The following HDAC9 variants were observed in gnomAD, a reference collection of about 807,000 sequenced individuals.
HDAC9 encodes histone deacetylase 9.
In HDAC9, 41 loss-of-function variants were observed where a neutral mutation model predicts 139.4. The ratio of observed to expected loss-of-function variants is 0.29; its 90% CI spans 0.23 to 0.38. The LOEUF (loss-of-function observed/expected upper bound fraction) is 0.38, where lower values mean the gene tolerates loss of function less well. Ranked by LOEUF, HDAC9 falls within the 10% of genes least tolerant of loss-of-function variation. The probability of loss-of-function intolerance (pLI) is 1.00; values close to 1 mark genes in which losing one functional copy is unlikely to be tolerated. For missense variants in HDAC9, 1,147 were observed against 1,297.0 expected, an observed-to-expected ratio of 0.88 and a Z score of 1.78; for synonymous variants, 517 against 476.2, an observed-to-expected ratio of 1.09 and a Z score of -1.12.
intron 24 of HDAC9, among the ~76,000 whole-genome samples, chr7:18,954,482 T>C (rs924349626): frequency 2.6e-5 from 4 of 152,066 alleles, no homozygotes; most frequent in African/African-American, 9.7e-5. Context: ...ACCATTATGA[T>C]CACTAAGCAT....
chr7:18,598,887 G>A (rs1833186867), intron 6 of HDAC9, among the ~76,000 whole-genome samples: 1 of 152,176 alleles, frequency 6.6e-6, no homozygotes, highest in African/African-American at 2.4e-5. Context: ...AGCTCACTAT[G>A]GTATCCAAAA....
intron 16 of HDAC9, among the ~76,000 whole-genome samples, chr7:18,772,545 T>C (rs976619118): frequency 2.0e-5 from 3 of 152,102 alleles, no homozygotes; most frequent in Middle Eastern, 3.2e-3. Flanking sequence ...CTCCTATTAA[T>C]GTTCAACTCA....
At chr7:18,168,679 C>T (rs1788169219) in intron 2 of HDAC9, among the ~76,000 whole-genome samples, 1 of 151,978 alleles carries the variant, frequency 6.6e-6, no homozygotes, top group African/African-American at 2.4e-5. Flanking sequence ...TACTTTTACA[C>T]TAAATATCCC....
intron 12 of HDAC9, chr7:18,667,223 G>A (rs1795099362): frequency 1.0e-6 from 1 of 985,268 alleles, no homozygotes; most frequent in African/African-American, 1.7e-5. Context: ...TCAAAAAAGA[G>A]CAAATGAAGC....
intron 9 of HDAC9, among the ~76,000 whole-genome samples, chr7:18,645,593 A>G (rs114225126): frequency 6.6e-6 from 1 of 152,182 alleles, no homozygotes. Flanking sequence ...CTAGCAGAAG[A>G]TGGCAATAAT....
Position 18,495,793 on chromosome 7 carries a change from C to A in HDAC9, c.-272C>A. 1.0e-6 allele frequency: 1 copy of A among 1,000,972 alleles called. No individual in the cohort carries two copies. Among genetic ancestry groups the A allele is most frequent in the Non-Finnish European group, 1.2e-6 (1 of 840,642 alleles). 62.0% of individuals were successfully genotyped at this position (1,000,972 alleles called of 1,614,324 possible). On this transcript the variant is annotated 5_prime_UTR_variant, in exon 1 of 26. Transcript: ENST00000686413. Reference sequence around the variant, plus strand: ...GATAGGAGAAGGGCACCGGCTGGAGCCACTTGCAGGACTGAGGGTTTTTGC... The same window carrying A: ...GATAGGAGAAGGGCACCGGCTGGAGACACTTGCAGGACTGAGGGTTTTTGC...
At chr7:18,934,660 C>T (rs371233537) in intron 22 of HDAC9, among the ~76,000 whole-genome samples, 235 of 152,104 alleles carry the variant, frequency 1.5e-3, no homozygotes, top group Middle Eastern at 0.01. Flanking sequence ...TTTTGCCACC[C>T]ACTTGGCAAA....
intron 22 of HDAC9, among the ~76,000 whole-genome samples, chr7:18,898,345 G>C (rs1357182672): frequency 6.6e-6 from 1 of 151,754 alleles, no homozygotes; most frequent in East Asian, 1.9e-4. Context: ...GGCATAAAAA[G>C]ATGAGTGGTA....
chr7:18,141,514 A>G (rs970822051), intron 1 of HDAC9, among the ~76,000 whole-genome samples: 3 of 152,166 alleles, frequency 2.0e-5, no homozygotes, highest in Non-Finnish European at 4.4e-5. Context: ...GGTGAGGACT[A>G]ACATCTCTGA....
At chr7:18,506,048 A>G (rs991123886) in intron 2 of HDAC9, 11 of 152,226 alleles carry the variant, frequency 7.2e-5, no homozygotes, top group African/African-American at 2.7e-4. Flanking sequence ...ATTTATAGAA[A>G]GAGCATTCTG....
chr7:18,193,176 G>C (rs1244233467), intron 2 of HDAC9, among the ~76,000 whole-genome samples: 1 of 152,126 alleles, frequency 6.6e-6, no homozygotes, highest in Non-Finnish European at 1.5e-5. Flanking sequence ...TGGGTAGTTG[G>C]TGCTTGTAAT....
chr7:18,563,087 A>G (rs1261923762), intron 2 of HDAC9, among the ~76,000 whole-genome samples: 2 of 152,140 alleles, frequency 1.3e-5, no homozygotes, highest in African/African-American at 4.8e-5. Context: ...ATTATGATAT[A>G]TTTTGACAGA....
At chr7:18,321,303 A>G (rs1185132111) in intron 1 of HDAC9, among the ~76,000 whole-genome samples, 1 of 152,060 alleles carries the variant, frequency 6.6e-6, no homozygotes, top group Middle Eastern at 3.2e-3. Flanking sequence ...TTTCCATCCT[A>G]TCCATTCATC....
intron 2 of HDAC9, among the ~76,000 whole-genome samples, chr7:18,515,760 T>C (rs576615010): frequency 3.9e-5 from 6 of 152,328 alleles, no homozygotes; most frequent in Non-Finnish European, 7.4e-5. Flanking sequence ...AGAAGATTGG[T>C]TGACATATAA....
chr7:18,273,055 C>CCTTTTTTTTTTTTTTTTTTTT (rs1491175072), intron 2 of HDAC9, among the ~76,000 whole-genome samples: 1 of 68,236 alleles, frequency 1.5e-5, no homozygotes, highest in African/African-American at 6.4e-5. Flanking sequence ...TCCCCTTCTT[C>CCTTTTTTTTTTTTTTTTTTTT]GTTTTTTTTT....
At chr7:18,744,237 C>T (rs763357530) in intron 13 of HDAC9, among the ~76,000 whole-genome samples, 1 of 151,986 alleles carries the variant, frequency 6.6e-6, no homozygotes, top group Non-Finnish European at 1.5e-5. Flanking sequence ...AGTGATCTGC[C>T]CGCCTTGGCC....
intron 2 of HDAC9, among the ~76,000 whole-genome samples, chr7:18,225,617 TA>T (rs1793004426): frequency 6.6e-6 from 1 of 152,166 alleles, no homozygotes; most frequent in Non-Finnish European, 1.5e-5. Context: ...ATCTTAAATA[TA>T]ATTGAATGAA....
chr7:18,476,034 T>C (rs911312705), intron 1 of HDAC9, among the ~76,000 whole-genome samples: 3 of 152,206 alleles, frequency 2.0e-5, no homozygotes, highest in African/African-American at 7.2e-5. Context: ...AGACCTCTTA[T>C]TGCATGTTTG....
intron 1 of HDAC9, among the ~76,000 whole-genome samples, chr7:18,341,389 C>T (rs1163710606): frequency 6.6e-6 from 1 of 151,624 alleles, no homozygotes; most frequent in African/African-American, 2.4e-5. Flanking sequence ...TTAAAATGCT[C>T]CCACATGTTG....
Sources: gnomAD v4.1 joint callset for allele counts (sites outside exome capture counted in the v4.1 genomes callset) on GRCh38, gnomAD v4.1.1 for gene constraint, MANE v1.5 for transcripts, NCBI Gene and HGNC (gene_info 2026-07-23, HGNC 2026-07-21) for gene names.